The following PSMD14 variants were observed in gnomAD, a reference collection of about 807,000 sequenced individuals.
The protein encoded by PSMD14 is ubiquitin C-terminal hydrolase PSMD14.
Under a neutral mutation model 41.2 loss-of-function variants are expected in PSMD14, and 7 were observed. That is an observed-to-expected ratio of 0.17 (90% CI 0.10 to 0.32). The LOEUF is 0.32. PSMD14 is among the 10% of genes least tolerant of loss of function. PSMD14 has a pLI of 1.00. For synonymous variants in PSMD14, 114 were observed against 122.3 expected (o/e 0.93, Z 0.45); for missense variants, 139 against 375.6 (o/e 0.37, Z 5.21).
intron 10 of PSMD14, among the ~76,000 whole-genome samples, chr2:161,401,288 T>G (rs1863177): frequency 6.6e-6 from 1 of 152,210 alleles, no homozygotes; most frequent in East Asian, 1.9e-4. Context: ...AGGCTTTCAG[T>G]CAACAGTAGG....
chr2:161,359,816 C>T (rs1322704545), intron 3 of PSMD14, among the ~76,000 whole-genome samples: 3 of 152,094 alleles, frequency 2.0e-5, no homozygotes, highest in African/African-American at 4.8e-5. Flanking sequence ...AATGGGATGG[C>T]GTACTGTACT....
At chr2:161,365,110 A>C (rs1159260022) in intron 3 of PSMD14, among the ~76,000 whole-genome samples, 1 of 152,200 alleles carries the variant, frequency 6.6e-6, no homozygotes, top group Non-Finnish European at 1.5e-5. Context: ...CGTCTAAAAA[A>C]AACCAAAAAT....
intron 10 of PSMD14, among the ~76,000 whole-genome samples, chr2:161,404,166 G>T (rs1683919370): frequency 6.6e-6 from 1 of 151,852 alleles, no homozygotes; most frequent in African/African-American, 2.4e-5. Context: ...TCAGCCTCCT[G>T]AGTAGCTGAG....
At chr2:161,381,696 A>G (rs1024652822) in intron 7 of PSMD14, 3 of 151,950 alleles carry the variant, frequency 2.0e-5, no homozygotes, top group Non-Finnish European at 4.4e-5. Flanking sequence ...CCAAAAAATT[A>G]TGGTTTAAAC....
intron 10 of PSMD14, among the ~76,000 whole-genome samples, chr2:161,405,577 A>G (rs1396152750): frequency 6.6e-6 from 1 of 152,184 alleles, no homozygotes; most frequent in East Asian, 1.9e-4. Flanking sequence ...TTGATGTTTA[A>G]TTAGTGATGG....
At chr2:161,341,658 T>G (rs571148781) in intron 3 of PSMD14, among the ~76,000 whole-genome samples, 2 of 151,382 alleles carry the variant, frequency 1.3e-5, no homozygotes, top group Admixed American at 6.6e-5. Flanking sequence ...ACTAACACGG[T>G]GAAACCCCAT....
At chr2:161,372,819 A>T (rs1683455096) in intron 7 of PSMD14, among the ~76,000 whole-genome samples, 1 of 151,968 alleles carries the variant, frequency 6.6e-6, no homozygotes, top group African/African-American at 2.4e-5. Context: ...TATAACAATT[A>T]TCTAATAAAG....
intron 3 of PSMD14, among the ~76,000 whole-genome samples, chr2:161,324,186 A>G (rs1682658760): frequency 6.6e-6 from 1 of 152,220 alleles, no homozygotes; most frequent in African/African-American, 2.4e-5. Flanking sequence ...GTTTCTGTGT[A>G]TCAGGTATTA....
intron 10 of PSMD14, among the ~76,000 whole-genome samples, chr2:161,396,607 TG>T (rs1318697266): frequency 1.3e-5 from 2 of 152,016 alleles, no homozygotes; most frequent in Non-Finnish European, 2.9e-5. Flanking sequence ...AGAGTAGAAT[TG>T]TGGTTACCAG....
chr2:161,370,110 G>A lies in PSMD14; in HGVS notation c.244G>A (p.Val82Ile). ...TTTTTCTTTCTTTCTAAATCAGGGT[G>A]TCAGTGTGGAGGCAGTTGATCCAGT... ...VFAMPQSGTGVSVEAVDPVFQ... is the reference protein window; with the variant it reads ...VFAMPQSGTGISVEAVDPVFQ... The change falls in exon 6 of 12, where the codon GTC (valine) becomes ATC (isoleucine). Residue 82 changes from valine to isoleucine, a missense_variant. Physicochemically the swap from Val to Ile is conservative, Grantham distance 29. Coordinates refer to ENST00000409682, the MANE Select transcript of PSMD14 (RefSeq NM_005805.6). 6.3e-7 allele frequency: 1 copy of A among 1,577,286 alleles called. No homozygotes were observed. The highest frequency in any genetic ancestry group is 1.8e-5 in the Admixed American group (1 of 55,436).
In PSMD14 at chr2:161,411,447, G is replaced by C. The variant is rs1165721870; in HGVS notation, c.*47G>C. The C allele has an allele frequency of 4.4e-6, 6 of 1,361,172 alleles. No individual in the cohort carries two copies. The highest frequency in any genetic ancestry group is 4.0e-5 in the South Asian group (3 of 74,284). The allele number at this position is 1,361,172 out of a possible 1,614,324, so 84.3% of individuals were successfully genotyped here. ...TGATGCCTTCAGTGTATATTCCTCTGTTGTTCCTAATGCTCAAAATCAAGG... is the reference window on the plus strand; with the variant it reads ...TGATGCCTTCAGTGTATATTCCTCTCTTGTTCCTAATGCTCAAAATCAAGG... On this transcript the variant is annotated 3_prime_UTR_variant, in exon 12 of 12. Coordinates refer to ENST00000409682, the MANE Select transcript of PSMD14 (RefSeq NM_005805.6).
At chr2:161,310,671 G>A (rs1559034932) in intron 1 of PSMD14, among the ~76,000 whole-genome samples, 1 of 152,148 alleles carries the variant, frequency 6.6e-6, no homozygotes, top group Non-Finnish European at 1.5e-5. Flanking sequence ...AATTGCTTTG[G>A]ACGTATTTTT....
chr2:161,319,616 A>C lies in PSMD14; in HGVS notation c.48+743A>C, dbSNP rs144817597. On this transcript the variant is annotated intron_variant, in intron 3 of 11. Coordinates refer to ENST00000409682, the MANE Select transcript of PSMD14 (RefSeq NM_005805.6). ...ATTTCTCTTCCTAAGACTTTTATAT[A>C]TGCAATGTATTGTTTTATGACCAAA... Among the ~76,000 whole-genome samples the C allele has an allele frequency of 5.6e-3, 850 of 152,248 alleles. 4 individuals carry two copies. The highest frequency in any genetic ancestry group is 9.3e-3 in the Non-Finnish European group (635 of 67,984).
In PSMD14 at chr2:161,389,889, GTTT is replaced by G. The variant is rs1162637393; in HGVS notation, c.571-1194_571-1192del. On this transcript the variant is annotated intron_variant, in intron 8 of 11. Transcript: ENST00000409682. The stretch of plus-strand genomic sequence containing the variant: ...TGTCTTATTTTCTTTCTTTTTTGTT[GTTT>G]TTTTTTTTTTTTTTTTTTTTAGAGA... 7.5e-4 allele frequency among the ~76,000 whole-genome samples: 15 copies of G among 20,050 alleles called. 2 individuals carry two copies. The highest frequency in any genetic ancestry group is 4.1e-3 in the Admixed American group (6 of 1,462). 13.2% of individuals were successfully genotyped at this position (20,050 alleles called of 152,430 possible).
chr2:161,336,107 AAT>A (rs1682865004), intron 3 of PSMD14, among the ~76,000 whole-genome samples: 1 of 151,234 alleles, frequency 6.6e-6, no homozygotes, highest in Admixed American at 6.6e-5. Flanking sequence ...TAGGTTTGTA[AAT>A]ATGGTCTCCA....
chr2:161,409,969 G>GT (rs1410962641), intron 11 of PSMD14, among the ~76,000 whole-genome samples: 1 of 151,684 alleles, frequency 6.6e-6, no homozygotes, highest in Non-Finnish European at 1.5e-5. Context: ...TTCAGTAACT[G>GT]TTTTTTGAAT....
intron 10 of PSMD14, among the ~76,000 whole-genome samples, chr2:161,401,535 A>G (rs1279300486): frequency 6.6e-6 from 1 of 152,220 alleles, no homozygotes; most frequent in Non-Finnish European, 1.5e-5. Context: ...TTACAGCAGA[A>G]GAAGGGGAAG....
chr2:161,409,361 A>G (rs574604940), intron 11 of PSMD14, among the ~76,000 whole-genome samples: 1 of 152,188 alleles, frequency 6.6e-6, no homozygotes, highest in South Asian at 2.1e-4. Flanking sequence ...TTCTAAGAAG[A>G]AATATATATT....
chr2:161,404,566 C>T (rs947688036), intron 10 of PSMD14, among the ~76,000 whole-genome samples: 34 of 152,250 alleles, frequency 2.2e-4, no homozygotes, highest in African/African-American at 8.2e-4. Context: ...TAACCTCCTA[C>T]GTCATTGATC....
Sources: gnomAD v4.1 joint callset for allele counts (sites outside exome capture counted in the v4.1 genomes callset) on GRCh38, gnomAD v4.1.1 for gene constraint, MANE v1.5 for transcripts, NCBI Gene and HGNC (gene_info 2026-07-23, HGNC 2026-07-21) for gene names.